The following PUS3 variants were observed in gnomAD, a reference collection of about 807,000 sequenced individuals.
PUS3 encodes tRNA pseudouridine(38/39) synthase.
A neutral mutation model predicts 43.3 loss-of-function variants in PUS3; 36 were observed. The observed-to-expected ratio is 0.83, with a 90% CI of 0.64 to 1.10. PUS3 has a LOEUF of 1.10. Ranked by LOEUF, PUS3 falls within the 50% of genes least tolerant of loss-of-function variation. The pLI is 0.00. For synonymous variants in PUS3, 183 were observed against 199.2 expected (o/e 0.92, Z 0.69); for missense variants, 544 against 589.9 (o/e 0.92, Z 0.81).
rs930317273 is a variant in PUS3 at position 125,896,017 on chromosome 11, CA to C, written c.267del (p.Ile89MetfsTer9). 1 of 1,614,066 alleles carries C rather than the reference CA, an allele frequency of 6.2e-7. No homozygotes were observed. The highest frequency in any genetic ancestry group is 8.5e-7 in the Non-Finnish European group (1 of 1,180,036). ...FASQENTNNT[I>X]EEKLFEALTK... ...GTTAGAGCTTCAAACAGTTTCTCTT[CA>C]ATGGTATTATTTGTGTTTTCCTGAC... On this transcript the variant is annotated frameshift_variant, in exon 2 of 4. Coordinates refer to ENST00000227474, the MANE Select transcript of PUS3 (RefSeq NM_031307.4). LOFTEE classifies it high-confidence loss of function.
chr11:125,901,747 C>A (rs1944778627), intron 1 of PUS3, among the ~76,000 whole-genome samples: 1 of 152,082 alleles, frequency 6.6e-6, no homozygotes, highest in African/African-American at 2.4e-5. Context: ...AACTGTCCAC[C>A]AACAGTGGAA....
rs1944595363 is a variant in PUS3, at chr11:125,896,462, A to C, written c.-46-132T>G. On this transcript the variant is annotated intron_variant, in intron 1 of 3. Transcript: ENST00000227474. ...TTCCAGGAATACAAGCATTAGCTTT[A>C]TTGTGGGTTGATCATCCACAGATAG... 24 of 638,818 alleles carry C rather than the reference A, an allele frequency of 3.8e-5. 1 individual carries two copies. The South Asian group carries it at 5.1e-4, about 13-fold the overall frequency. 39.6% of individuals were successfully genotyped at this position (638,818 alleles called of 1,614,324 possible). A position where few individuals can be genotyped will look rare whatever the true frequency, so the allele number is the denominator to read the frequency against.
At chr11:125,902,495 T>C (rs1944804345) in intron 1 of PUS3, among the ~76,000 whole-genome samples, 1 of 150,276 alleles carries the variant, frequency 6.7e-6, no homozygotes, top group South Asian at 2.1e-4. Context: ...ACGCCTGCAG[T>C]CCCAGCTAGT....
intron 1 of PUS3, chr11:125,900,255 T>C (rs1944728599): frequency 6.2e-7 from 1 of 1,614,152 alleles, no homozygotes; most frequent in Non-Finnish European, 8.5e-7. Flanking sequence ...CCCTTCCCTC[T>C]TTCTCCTTCT....
At position 125,895,945 on chromosome 11, in the gene PUS3, A is replaced by G. The variant is rs752052349; in HGVS notation, c.340T>C (p.Cys114Arg). 5.0e-6 allele frequency: 8 copies of G among 1,613,974 alleles called. No homozygotes were observed. Among genetic ancestry groups the G allele is most frequent in the Admixed American group, 1.7e-5 (1 of 60,018 alleles). Residue 114 changes from cysteine to arginine, a missense_variant, in exon 2 of 4, where the codon TGT becomes CGT. Transcript: ENST00000227474. ...CTAACTCCTTTATCTGTTCTCCCAC[A>G]TCGGTGATAGTTGGATGTCTGTCTG... ...ESRQTSNYHR[C>R]GRTDKGVSAF...
At chr11:125,899,043 A>C in intron 1 of PUS3, 1 of 289,624 alleles carries the variant, frequency 3.5e-6, no homozygotes, top group East Asian at 6.7e-5. Context: ...ATTAAGCAGT[A>C]TGCCCCATAT....
At chr11:125,894,449 CA>C (rs1040971664) in intron 3 of PUS3, among the ~76,000 whole-genome samples, 163 bp from the exon 4 acceptor site, 5 of 152,180 alleles carry the variant, frequency 3.3e-5, no homozygotes, top group African/African-American at 1.2e-4. Context: ...TAACCTTGAA[CA>C]CCTTTATTAC....
Position 125,894,104 on chromosome 11 carries a change from CA to C in PUS3, c.1126del (p.Cys376ValfsTer3). On this transcript the variant is annotated frameshift_variant, in exon 4 of 4. Coordinates refer to ENST00000227474, the MANE Select transcript of PUS3 (RefSeq NM_031307.4). LOFTEE classifies it high-confidence loss of function. ...LQGLDTVPVP[C>X]GIGPKMDGMT... Reference sequence around the variant, plus strand: ...TCCATCCATCTTTGGTCCTATTCCACAGGGTACTGGAACAGTGTCCAGTCCT... The same window carrying C: ...TCCATCCATCTTTGGTCCTATTCCACGGGTACTGGAACAGTGTCCAGTCCT... 6.2e-7 allele frequency: 1 copy of C among 1,614,132 alleles called. No individual in the cohort carries two copies. Among genetic ancestry groups the C allele is most frequent in the Non-Finnish European group, 8.5e-7 (1 of 1,179,998 alleles).
Position 125,895,887 on chromosome 11 carries a change from AAC to A in PUS3, c.378+18_378+19del. 6.2e-7 allele frequency: 1 copy of A among 1,606,420 alleles called. No homozygotes were observed. Among genetic ancestry groups the A allele is most frequent in the South Asian group, 1.1e-5 (1 of 90,662 alleles). On this transcript the variant is annotated intron_variant, in intron 2 of 3. Coordinates refer to ENST00000227474, the MANE Select transcript of PUS3 (RefSeq NM_031307.4). ...TATCCTAGTATTGCTTGCTTTGAGAAACAGTGTATTGGCCCTTACCTGTCCAA... is the reference window on the plus strand; with the variant it reads ...TATCCTAGTATTGCTTGCTTTGAGAAAGTGTATTGGCCCTTACCTGTCCAA...
chr11:125,898,570 C>T (rs947558863), intron 1 of PUS3, among the ~76,000 whole-genome samples: 6 of 151,834 alleles, frequency 4.0e-5, no homozygotes, highest in Admixed American at 1.3e-4. Context: ...CCAGTTACTC[C>T]GGAGTCTTAG....
intron 1 of PUS3, 44 bp from the exon 2 acceptor site, chr11:125,896,374 C>T (rs1206150683): frequency 8.0e-7 from 1 of 1,255,480 alleles, no homozygotes; most frequent in African/African-American, 1.5e-5. Flanking sequence ...ATGCTAGTTC[C>T]TTTGATGATG....
At position 125,899,788 on chromosome 11, in the gene PUS3, C is replaced by G. The variant is rs1284607457; in HGVS notation, c.-47+3382G>C. The G allele has an allele frequency of 1.9e-6, 3 of 1,614,016 alleles. No homozygotes were observed. The highest frequency in any genetic ancestry group is 3.3e-5 in the Admixed American group (2 of 60,004). On this transcript the variant is annotated intron_variant, in intron 1 of 3. Coordinates refer to ENST00000227474, the MANE Select transcript of PUS3 (RefSeq NM_031307.4). Reference sequence around the variant, plus strand: ...GACAAAGGCTGATGAATGTACAGTTCCAGGAAGACAAGGAATCTTCATTTG... The same window carrying G: ...GACAAAGGCTGATGAATGTACAGTTGCAGGAAGACAAGGAATCTTCATTTG...
chr11:125,898,301 T>C (rs905963691), intron 1 of PUS3, among the ~76,000 whole-genome samples: 6 of 152,182 alleles, frequency 3.9e-5, no homozygotes, highest in African/African-American at 4.8e-5. Context: ...GTCAGGAAAC[T>C]AGCATTGGGT....
intron 1 of PUS3, among the ~76,000 whole-genome samples, chr11:125,897,520 A>C (rs915784144): frequency 2.3e-5 from 1 of 43,720 alleles, no homozygotes; most frequent in African/African-American, 5.2e-5. Context: ...TTAATGAAAA[A>C]GTAAAAAAAA....
intron 1 of PUS3, among the ~76,000 whole-genome samples, chr11:125,901,847 ATG>A (rs1240218888): frequency 1.3e-5 from 2 of 152,230 alleles, no homozygotes; most frequent in Non-Finnish European, 2.9e-5. Flanking sequence ...AGTGACATGA[ATG>A]TATCATAAAC....
In PUS3 at chr11:125,894,118, A is replaced by G; in HGVS notation, c.1113T>C (p.Thr371=). 1.2e-6 allele frequency: 2 copies of G among 1,614,068 alleles called. No individual in the cohort carries two copies. The highest frequency in any genetic ancestry group is 1.7e-6 in the Non-Finnish European group (2 of 1,179,920). ...GTCCTATTCCACAGGGTACTGGAACAGTGTCCAGTCCTTGTAGCATACTAT... is the reference window on the plus strand; with the variant it reads ...GTCCTATTCCACAGGGTACTGGAACGGTGTCCAGTCCTTGTAGCATACTAT... The part of the protein sequence containing the change: ...MLYSMLQGLD[T]VPVPCGIGPK... The change falls in exon 4 of 4, where the codon ACT becomes ACC. Residue 371 remains threonine, a synonymous_variant. Transcript: ENST00000227474.
Position 125,894,069 on chromosome 11 carries a change from A to G in PUS3, c.1162T>C (p.Trp388Arg). ...IGPKMDGMTE[W>R]GNVKPSVIKQ... The stretch of plus-strand genomic sequence containing the variant: ...ATGACAGAGGGCTTAACATTTCCCC[A>G]TTCTGTCATTCCATCCATCTTTGGT... Residue 388 changes from tryptophan (W) to arginine (R), a missense_variant, in exon 4 of 4, where the codon TGG becomes CGG. Physicochemically the swap from Trp to Arg is moderately radical, Grantham distance 101 (BLOSUM62 -3). Transcript: ENST00000227474. 1.2e-6 allele frequency: 2 copies of G among 1,614,156 alleles called. No individual in the cohort carries two copies. Among genetic ancestry groups the G allele is most frequent in the African/African-American group, 1.3e-5 (1 of 75,040 alleles).
At chr11:125,901,016 A>C (rs1944757533) in intron 1 of PUS3, among the ~76,000 whole-genome samples, 1 of 151,800 alleles carries the variant, frequency 6.6e-6, no homozygotes, top group Non-Finnish European at 1.5e-5. Flanking sequence ...CTCAAAAAAA[A>C]AAAAAAAAAA....
In PUS3 at chr11:125,901,062, A is replaced by AAGG. The variant is rs1049526108; in HGVS notation, c.-47+2105_-47+2107dup. On this transcript the variant is annotated intron_variant, in intron 1 of 3. Transcript: ENST00000227474. ...AAAACCTGCCTTTTACATAGTCCTA[A>AAGG]AGGATGGGAGAGGTTAACAACATGG... Among the ~76,000 whole-genome samples the AAGG allele has an allele frequency of 2.6e-5, 4 of 152,172 alleles. No individual in the cohort carries two copies. The South Asian group carries it at 6.2e-4, about 24-fold the overall frequency.
Sources: gnomAD v4.1 joint callset for allele counts (sites outside exome capture counted in the v4.1 genomes callset) on GRCh38, gnomAD v4.1.1 for gene constraint, MANE v1.5 for transcripts, NCBI Gene and HGNC (gene_info 2026-07-23, HGNC 2026-07-21) for gene names.